Variants in COL21A1 observed in about 807,000 individuals in gnomAD.
COL21A1 encodes the protein collagen alpha-1(XXI) chain.
Under a neutral mutation model 137.9 loss-of-function variants are expected in COL21A1, and 149 were observed. The ratio of observed to expected loss-of-function variants is 1.08; its 90% CI spans 0.95 to 1.24. The LOEUF (loss-of-function observed/expected upper bound fraction) is 1.24. Among genes scored for constraint, COL21A1 ranks in the 50% most tolerant of loss-of-function variants. The pLI is 0.00. For synonymous variants in COL21A1, 456 were observed against 391.5 expected, an observed-to-expected ratio of 1.16 and a Z score of -1.95; for missense variants, 1,167 against 1,158.4, an observed-to-expected ratio of 1.01 and a Z score of -0.11.
intron 1 of COL21A1, among the ~76,000 whole-genome samples, chr6:56,214,648 T>C (rs1300902732): frequency 7.5e-5 from 11 of 147,632 alleles, no homozygotes; most frequent in East Asian, 2.0e-4. Flanking sequence ...AAGGCCCCCC[T>C]TTTTTTTTTC....
intron 1 of COL21A1, among the ~76,000 whole-genome samples, chr6:56,388,942 AAAC>A (rs796283061): frequency 6.6e-5 from 10 of 152,342 alleles, no homozygotes; most frequent in African/African-American, 2.4e-4. Flanking sequence ...AGAGAAATAC[AAAC>A]AACAAGAAAT....
chr6:56,215,068 G>A (rs1351844567), intron 1 of COL21A1, among the ~76,000 whole-genome samples: 10 of 151,184 alleles, frequency 6.6e-5, no homozygotes, highest in Non-Finnish European at 1.3e-4. Context: ...ATATACGTGT[G>A]GCAGGCAATT....
chr6:56,142,498 G>T (rs1207315972), intron 10 of COL21A1, among the ~76,000 whole-genome samples: 2 of 152,114 alleles, frequency 1.3e-5, no homozygotes, highest in African/African-American at 4.8e-5. Flanking sequence ...TATCCTCCAT[G>T]GTCCCCCAAA....
At chr6:56,173,431 G>A (rs1561946325) in intron 3 of COL21A1, among the ~76,000 whole-genome samples, 1 of 150,724 alleles carries the variant, frequency 6.6e-6, no homozygotes, top group Non-Finnish European at 1.5e-5. Flanking sequence ...GGGAAGGGGG[G>A]AAAAGGGAAA....
intron 1 of COL21A1, among the ~76,000 whole-genome samples, chr6:56,269,103 T>C (rs1012147374): frequency 2.0e-5 from 3 of 152,076 alleles, no homozygotes; most frequent in Non-Finnish European, 2.9e-5. Context: ...ATCTGAGAAA[T>C]ATGAGATTAT....
At chr6:56,138,391 T>G (rs186465337) in intron 12 of COL21A1, among the ~76,000 whole-genome samples, 1 of 151,736 alleles carries the variant, frequency 6.6e-6, no homozygotes, top group Admixed American at 6.6e-5. Context: ...TAAAATCTCT[T>G]AATGAGGAAG....
At chr6:56,097,709 T>A (rs1207106415) in intron 17 of COL21A1, among the ~76,000 whole-genome samples, 1 of 142,130 alleles carries the variant, frequency 7.0e-6, no homozygotes, top group East Asian at 2.0e-4. Context: ...CAAGCAGCCA[T>A]GGGAAAGGAA....
intron 1 of COL21A1, among the ~76,000 whole-genome samples, chr6:56,390,891 CT>C (rs1271324140): frequency 6.6e-6 from 1 of 152,132 alleles, no homozygotes; most frequent in Non-Finnish European, 1.5e-5. Flanking sequence ...CAACCACCTA[CT>C]TTTAGCATTG....
intron 1 of COL21A1, among the ~76,000 whole-genome samples, chr6:56,260,042 A>T (rs1305008486): frequency 1.3e-5 from 2 of 152,306 alleles, no homozygotes; most frequent in East Asian, 3.9e-4. Context: ...GGTAGGTGTG[A>T]CCCACTACCT....
intron 17 of COL21A1, among the ~76,000 whole-genome samples, chr6:56,097,172 T>G (rs1250292739): frequency 6.6e-6 from 1 of 152,098 alleles, no homozygotes; most frequent in Non-Finnish European, 1.5e-5. Flanking sequence ...GGCTTCCTCT[T>G]TGCTATTCAT....
intron 17 of COL21A1, among the ~76,000 whole-genome samples, chr6:56,097,886 T>TATATATAAATATATATAA (rs1769578796): frequency 1.1e-5 from 1 of 90,220 alleles, no homozygotes. Flanking sequence ...AATATATAAA[T>TATATATAAATATATATAA]ATATATAAAT....
intron 1 of COL21A1, among the ~76,000 whole-genome samples, chr6:56,296,691 T>C (rs1201795126): frequency 6.6e-6 from 1 of 151,968 alleles, no homozygotes; most frequent in Non-Finnish European, 1.5e-5. Context: ...AGAAGAAATA[T>C]ACAAATTCAG....
chr6:56,389,497 G>C (rs1309692908), intron 1 of COL21A1, among the ~76,000 whole-genome samples: 1 of 150,862 alleles, frequency 6.6e-6, no homozygotes, highest in Non-Finnish European at 1.5e-5. Flanking sequence ...TGTAGAGAGA[G>C]ATACTGGGGT....
intron 1 of COL21A1, among the ~76,000 whole-genome samples, chr6:56,377,036 G>T (rs1418219318): frequency 6.8e-6 from 1 of 146,838 alleles, no homozygotes; most frequent in Admixed American, 6.8e-5. Flanking sequence ...GGAGTGCAAT[G>T]GTGCAATCTC....
chr6:56,083,782 C>T (rs4482975), intron 17 of COL21A1, among the ~76,000 whole-genome samples: 23,077 of 151,718 alleles, frequency 0.15, 1,785 homozygotes, highest in Middle Eastern at 0.22. Context: ...AAAATAAATG[C>T]AAATGGACTT....
intron 16 of COL21A1, among the ~76,000 whole-genome samples, chr6:56,115,986 C>A (rs1771885509): frequency 6.6e-6 from 1 of 151,268 alleles, no homozygotes; most frequent in Non-Finnish European, 1.5e-5. Context: ...TCAGAGGAGA[C>A]AAATAATAAT....
intron 1 of COL21A1, among the ~76,000 whole-genome samples, chr6:56,273,248 G>A (rs1406274098): frequency 6.6e-6 from 1 of 152,082 alleles, no homozygotes; most frequent in African/African-American, 2.4e-5. Flanking sequence ...GTGTTAAGAG[G>A]AAACTTCATA....
At chr6:56,072,127 C>A (rs1438371564) in intron 20 of COL21A1, among the ~76,000 whole-genome samples, 1 of 151,532 alleles carries the variant, frequency 6.6e-6, no homozygotes, top group Non-Finnish European at 1.5e-5. Flanking sequence ...CCAGCTGTAT[C>A]CATATCCCTG....
intron 16 of COL21A1, among the ~76,000 whole-genome samples, chr6:56,122,041 T>G (rs946644552): frequency 1.3e-5 from 2 of 152,100 alleles, no homozygotes; most frequent in Non-Finnish European, 2.9e-5. Context: ...AACCAAGTGA[T>G]ATATTCCTAC....
Sources: gnomAD v4.1 joint callset for allele counts (sites outside exome capture counted in the v4.1 genomes callset) on GRCh38, gnomAD v4.1.1 for gene constraint, MANE v1.5 for transcripts, NCBI Gene and HGNC (gene_info 2026-07-23, HGNC 2026-07-21) for gene names.